The following LHFPL3 variants were observed in gnomAD, a reference collection of about 807,000 sequenced individuals.
The protein encoded by LHFPL3 is LHFPL tetraspan subfamily member 3.
A neutral mutation model predicts 19.3 loss-of-function variants in LHFPL3; 5 were observed. The ratio of observed to expected loss-of-function variants is 0.26; its 90% confidence interval spans 0.14 to 0.54. LHFPL3 has a LOEUF of 0.54. Among genes scored for constraint, LHFPL3 ranks in the 20% least tolerant of loss-of-function variants. The pLI is 0.94. For missense variants in LHFPL3, 249 were observed against 307.4 expected (o/e 0.81, Z 1.42); for synonymous variants, 133 against 126.2 (o/e 1.05, Z -0.36).
At chr7:104,625,789 C>G (rs1439644939) in intron 1 of LHFPL3, among the ~76,000 whole-genome samples, 1 of 152,164 alleles carries the variant, frequency 6.6e-6, no homozygotes, top group Non-Finnish European at 1.5e-5. Context: ...AATTTTTTAA[C>G]TCTTCCTTGG....
At chr7:104,430,437 T>TACATATATATATATAC (rs1562895314) in intron 1 of LHFPL3, among the ~76,000 whole-genome samples, 12 of 16,852 alleles carry the variant, frequency 7.1e-4, no homozygotes, top group Non-Finnish European at 9.3e-4. Context: ...TATATATATA[T>TACATATATATATATAC]ATATATATAT....
intron 2 of LHFPL3, among the ~76,000 whole-genome samples, chr7:104,853,642 T>C (rs1190943279): frequency 1.3e-5 from 2 of 152,214 alleles, no homozygotes; most frequent in Non-Finnish European, 2.9e-5. Flanking sequence ...TTTAAAAGTA[T>C]ATATTCAAAA....
At chr7:104,851,909 G>A (rs888009095) in intron 2 of LHFPL3, among the ~76,000 whole-genome samples, 2 of 152,060 alleles carry the variant, frequency 1.3e-5, no homozygotes, top group African/African-American at 4.8e-5. Context: ...TTCAAACCAC[G>A]TGGGCAGAGC....
intron 1 of LHFPL3, among the ~76,000 whole-genome samples, chr7:104,603,084 TTCTTTC>T (rs1182782635): frequency 2.4e-4 from 29 of 120,264 alleles, no homozygotes; most frequent in African/African-American, 9.5e-4. Flanking sequence ...CTTTCTTTCT[TTCTTTC>T]TTTCTTTCTT....
intron 1 of LHFPL3, among the ~76,000 whole-genome samples, chr7:104,589,139 C>A: frequency 6.6e-6 from 1 of 152,122 alleles, no homozygotes; most frequent in African/African-American, 2.4e-5. Context: ...CCAGAACTTC[C>A]AACACTATGT....
At chr7:104,449,045 A>G (rs12705212) in intron 1 of LHFPL3, among the ~76,000 whole-genome samples, 37,362 of 152,150 alleles carry the variant, frequency 0.25, 5,511 homozygotes, top group African/African-American at 0.42. Flanking sequence ...AAAAGGATTC[A>G]TTTCCTTCAG....
intron 2 of LHFPL3, among the ~76,000 whole-genome samples, chr7:104,782,643 C>T (rs985260531): frequency 6.6e-6 from 1 of 152,214 alleles, no homozygotes; most frequent in Non-Finnish European, 1.5e-5. Flanking sequence ...TAATGCATAT[C>T]ACATCATAGC....
At chr7:104,651,207 G>A (rs764841644) in intron 1 of LHFPL3, among the ~76,000 whole-genome samples, 14 of 152,160 alleles carry the variant, frequency 9.2e-5, no homozygotes, top group Non-Finnish European at 1.6e-4. Flanking sequence ...CACTTTCCCT[G>A]GTGATGCAGT....
At chr7:104,906,056 A>T in intron 2 of LHFPL3, 131 bp from the exon 3 acceptor site, 4 of 815,498 alleles carry the variant, frequency 4.9e-6, no homozygotes, top group Non-Finnish European at 8.1e-6. Flanking sequence ...CAAATGCAAA[A>T]TGCATTTGAA....
rs575276278 is a variant in LHFPL3, at chr7:104,357,197, A to G, written c.445+27973A>G. On this transcript the variant is annotated intron_variant, in intron 1 of 2. Transcript: ENST00000424859. ...CTTCACCTACTGTACCTAAAGAGCTAAGTAGTAAAGACATCCATGTTCTTG... is the reference window on the plus strand; with the variant it reads ...CTTCACCTACTGTACCTAAAGAGCTGAGTAGTAAAGACATCCATGTTCTTG... Among the ~76,000 whole-genome samples the G allele has an allele frequency of 3.9e-5, 6 of 152,344 alleles. No homozygotes were observed. The South Asian group carries it at 1.2e-3, about 32-fold the overall frequency.
At chr7:104,369,628 C>A (rs1790572866) in intron 1 of LHFPL3, among the ~76,000 whole-genome samples, 1 of 152,176 alleles carries the variant, frequency 6.6e-6, no homozygotes, top group Admixed American at 6.5e-5. Flanking sequence ...AGTGGGTGTA[C>A]AATTTTACAT....
intron 2 of LHFPL3, among the ~76,000 whole-genome samples, chr7:104,905,039 T>A (rs1351435237): frequency 6.6e-6 from 1 of 152,096 alleles, no homozygotes; most frequent in African/African-American, 2.4e-5. Context: ...CACCACAACC[T>A]CGACCTCCTG....
At chr7:104,583,230 A>C (rs1422115066) in intron 1 of LHFPL3, among the ~76,000 whole-genome samples, 1 of 152,168 alleles carries the variant, frequency 6.6e-6, no homozygotes, top group African/African-American at 2.4e-5. Flanking sequence ...CTATTTAATA[A>C]ATGGTGCTGG....
In LHFPL3 at chr7:104,505,129, G is replaced by T. The variant is rs553354555; in HGVS notation, c.445+175905G>T. On this transcript the variant is annotated intron_variant, in intron 1 of 2. Transcript: ENST00000424859. ...CTCTTCATCATTTACAGTTGCGTCAGAGTGGCACTGGCTTCCAAAATCAGT... is the reference window on the plus strand; with the variant it reads ...CTCTTCATCATTTACAGTTGCGTCATAGTGGCACTGGCTTCCAAAATCAGT... Among the ~76,000 whole-genome samples the T allele has an allele frequency of 3.3e-5, 5 of 152,328 alleles. No homozygotes were observed. In the South Asian group the frequency reaches 8.3e-4, roughly 25 times the overall value.
intron 1 of LHFPL3, among the ~76,000 whole-genome samples, chr7:104,384,565 T>C (rs1790896069): frequency 6.6e-6 from 1 of 151,788 alleles, no homozygotes; most frequent in South Asian, 2.1e-4. Flanking sequence ...GGCGGGTGGA[T>C]CACCTGAGGT....
At chr7:104,576,350 G>A (rs1462059708) in intron 1 of LHFPL3, among the ~76,000 whole-genome samples, 3 of 152,094 alleles carry the variant, frequency 2.0e-5, no homozygotes, top group African/African-American at 7.2e-5. Flanking sequence ...AATGTGGGAG[G>A]ACATTTATTA....
intron 1 of LHFPL3, among the ~76,000 whole-genome samples, chr7:104,492,305 C>A (rs1001082911): frequency 6.6e-6 from 1 of 152,180 alleles, no homozygotes; most frequent in South Asian, 2.1e-4. Flanking sequence ...AGCAACAGAA[C>A]GGTGGCACTC....
intron 1 of LHFPL3, among the ~76,000 whole-genome samples, chr7:104,614,015 C>A (rs548472591): frequency 6.6e-6 from 1 of 152,214 alleles, no homozygotes; most frequent in South Asian, 2.1e-4. Flanking sequence ...GATCATATTT[C>A]AAAGAATTGG....
At chr7:104,478,266 C>T (rs1470760074) in intron 1 of LHFPL3, among the ~76,000 whole-genome samples, 1 of 152,076 alleles carries the variant, frequency 6.6e-6, no homozygotes, top group African/African-American at 2.4e-5. Context: ...ATTTCAACTT[C>T]TACAAAATTA....
Sources: allele counts gnomAD v4.1 joint callset (sites outside exome capture counted in the v4.1 genomes callset), GRCh38; gene constraint gnomAD v4.1.1; transcripts MANE v1.5; gene names NCBI Gene and HGNC (gene_info 2026-07-23, HGNC 2026-07-21).